The following RARB variants were observed in gnomAD, a reference collection of about 807,000 sequenced individuals.
RARB encodes HBV-activated protein.
In RARB, 17 loss-of-function variants were observed where a neutral mutation model predicts 51.9. That is an observed-to-expected ratio of 0.33 (90% CI 0.22 to 0.49). The LOEUF is 0.49. RARB is among the 20% of genes least tolerant of loss of function. The probability of loss-of-function intolerance (pLI) is 0.99; values close to 1 mark genes in which losing one functional copy is unlikely to be tolerated. For synonymous variants in RARB, 215 were observed against 195.4 expected, an observed-to-expected ratio of 1.10 and a Z score of -0.84; for missense variants, 369 against 550.8, an observed-to-expected ratio of 0.67 and a Z score of 3.30.
chr3:25,577,277 T>A (rs1056133534), intron 4 of RARB, among the ~76,000 whole-genome samples: 1 of 152,120 alleles, frequency 6.6e-6, no homozygotes, highest in African/African-American at 2.4e-5. Context: ...ATGGGGACCA[T>A]AATGGTGCCT....
intron 3 of RARB, among the ~76,000 whole-genome samples, chr3:25,105,337 T>C (rs1049112922): frequency 6.8e-6 from 1 of 147,004 alleles, no homozygotes; most frequent in African/African-American, 2.5e-5. Context: ...AGTAAAAAGA[T>C]AGTAAAACGA....
intron 2 of RARB, among the ~76,000 whole-genome samples, chr3:25,015,329 A>G (rs986864814): frequency 2.0e-5 from 3 of 152,160 alleles, no homozygotes; most frequent in Non-Finnish European, 2.9e-5. Flanking sequence ...TAAATTTGTT[A>G]TTACAGTGTT....
At chr3:25,320,068 C>A (rs1704526691) in intron 5 of RARB, among the ~76,000 whole-genome samples, 2 of 140,568 alleles carry the variant, frequency 1.4e-5, no homozygotes, top group South Asian at 2.3e-4. Flanking sequence ...GCCTTTGGAT[C>A]TTTTGATGCA....
chr3:25,286,372 G>T (rs1165744757), intron 5 of RARB, among the ~76,000 whole-genome samples: 5 of 152,188 alleles, frequency 3.3e-5, no homozygotes, highest in Non-Finnish European at 5.9e-5. Flanking sequence ...ACAGGCGTGA[G>T]ACACTGTGCC....
At chr3:25,289,458 A>T (rs1166114312) in intron 5 of RARB, among the ~76,000 whole-genome samples, 2 of 152,156 alleles carry the variant, frequency 1.3e-5, no homozygotes, top group Non-Finnish European at 2.9e-5. Flanking sequence ...AGATGTCTTT[A>T]TTGTGTTCTT....
intron 4 of RARB, among the ~76,000 whole-genome samples, chr3:25,155,849 T>C (rs1423664337): frequency 1.3e-5 from 2 of 152,182 alleles, no homozygotes; most frequent in African/African-American, 2.4e-5. Context: ...CTCCTTTCTA[T>C]AGGAAAGGGG....
intron 5 of RARB, among the ~76,000 whole-genome samples, chr3:25,593,078 A>T (rs1701674231): frequency 6.6e-6 from 1 of 152,208 alleles, no homozygotes; most frequent in African/African-American, 2.4e-5. Flanking sequence ...AATGTAGGGT[A>T]TGTACAAAAC....
chr3:25,385,214 T>C (rs1452140434), intron 5 of RARB, among the ~76,000 whole-genome samples: 3 of 152,164 alleles, frequency 2.0e-5, no homozygotes, highest in African/African-American at 7.2e-5. Context: ...TCCCTTTGTC[T>C]CAAGCACTTT....
intron 3 of RARB, among the ~76,000 whole-genome samples, chr3:25,084,261 G>A (rs1699063450): frequency 6.6e-6 from 1 of 152,128 alleles, no homozygotes; most frequent in African/African-American, 2.4e-5. Context: ...GCCTTCCCCA[G>A]CAGAAACAAC....
chr3:25,574,570 G>C (rs1700845326), intron 4 of RARB, among the ~76,000 whole-genome samples: 1 of 152,204 alleles, frequency 6.6e-6, no homozygotes, highest in African/African-American at 2.4e-5. Flanking sequence ...GGCCGCCTCT[G>C]CTCCCGGCCT....
chr3:25,030,606 G>T (rs1408026455), intron 2 of RARB, among the ~76,000 whole-genome samples: 1 of 152,158 alleles, frequency 6.6e-6, no homozygotes, highest in Non-Finnish European at 1.5e-5. Context: ...ATAAGTTGGG[G>T]TCTAGAAAAG....
chr3:24,954,915 G>A (rs1262199843), intron 2 of RARB, among the ~76,000 whole-genome samples: 2 of 152,122 alleles, frequency 1.3e-5, no homozygotes, highest in African/African-American at 2.4e-5. Context: ...GTGTTTTGGG[G>A]CTCTGGCCCG....
At chr3:25,467,175 G>A (rs886217056) in intron 2 of RARB, among the ~76,000 whole-genome samples, 1 of 152,210 alleles carries the variant, frequency 6.6e-6, no homozygotes, top group African/African-American at 2.4e-5. Flanking sequence ...ATTGAGCTAC[G>A]TCCAGAAATA....
At chr3:25,218,181 G>A (rs1181538271) in intron 5 of RARB, among the ~76,000 whole-genome samples, 1 of 152,098 alleles carries the variant, frequency 6.6e-6, no homozygotes, top group East Asian at 1.9e-4. Flanking sequence ...GGCTCCCCAG[G>A]CAGAGGACAG....
intron 2 of RARB, among the ~76,000 whole-genome samples, chr3:24,989,375 G>A (rs1460455799): frequency 6.6e-6 from 1 of 152,108 alleles, no homozygotes; most frequent in African/African-American, 2.4e-5. Flanking sequence ...TTGAAAGTAG[G>A]AATTGTTGTT....
At chr3:25,477,570 T>C (rs1292196677) in intron 2 of RARB, among the ~76,000 whole-genome samples, 1 of 152,240 alleles carries the variant, frequency 6.6e-6, no homozygotes, top group African/African-American at 2.4e-5. Flanking sequence ...ACTTGCATAC[T>C]GCAGTTTATT....
intron 1 of RARB, among the ~76,000 whole-genome samples, chr3:24,856,988 C>A (rs1216976075): frequency 2.6e-5 from 4 of 152,162 alleles, no homozygotes; most frequent in African/African-American, 9.7e-5. Flanking sequence ...AATGCCTTCT[C>A]ATTATTGAGT....
intron 4 of RARB, among the ~76,000 whole-genome samples, chr3:25,153,621 T>C (rs1700328942): frequency 6.6e-6 from 1 of 152,142 alleles, no homozygotes; most frequent in South Asian, 2.1e-4. Flanking sequence ...TTCTGAGTTG[T>C]TTGATAAATA....
intron 5 of RARB, among the ~76,000 whole-genome samples, chr3:25,270,442 T>A (rs1046349372): frequency 6.6e-6 from 1 of 152,152 alleles, no homozygotes; most frequent in African/African-American, 2.4e-5. Flanking sequence ...TTCATAGAGA[T>A]CTGTACACCT....
Sources: allele counts gnomAD v4.1 joint callset (sites outside exome capture counted in the v4.1 genomes callset), GRCh38; gene constraint gnomAD v4.1.1; transcripts MANE v1.5; gene names NCBI Gene and HGNC (gene_info 2026-07-23, HGNC 2026-07-21).